The following NID2 variants were observed in gnomAD, a reference collection of about 807,000 sequenced individuals.
The protein encoded by NID2 is nidogen-2.
Under a neutral mutation model 145.4 loss-of-function variants are expected in NID2, and 83 were observed. That is an observed-to-expected ratio of 0.57 (90% CI 0.48 to 0.69). NID2 has a LOEUF of 0.69. NID2 is among the 30% of genes least tolerant of loss of function. The probability of loss-of-function intolerance (pLI) is 0.00; values close to 1 mark genes in which losing one functional copy is unlikely to be tolerated. For synonymous variants in NID2, 739 were observed against 701.3 expected (o/e 1.05, Z -0.85); for missense variants, 1,807 against 1,765.7 (o/e 1.02, Z -0.42).
intron 9 of NID2, among the ~76,000 whole-genome samples, chr14:52,033,035 C>T (rs1891924952): frequency 6.6e-6 from 1 of 152,172 alleles, no homozygotes; most frequent in Admixed American, 6.5e-5. Context: ...AGCACAGGGC[C>T]CCATTCACTG....
intron 9 of NID2, 75 bp from the exon 10 acceptor site, chr14:52,029,765 C>A: frequency 7.9e-7 from 1 of 1,260,826 alleles, no homozygotes; most frequent in South Asian, 1.3e-5. Flanking sequence ...GAGGAGTCCT[C>A]GGAACTGACT....
chr14:52,019,122 A>C lies in NID2; in HGVS notation c.2967T>G (p.His989Gln), dbSNP rs775228294. Reference protein sequence around the residue: ...GFCWCVDPDGHEVPGTQTPPG... With the variant: ...GFCWCVDPDGQEVPGTQTPPG... ...GTGGAGTCTGGGTACCAGGAACTTCATGACCATCAGGGTCCACGCACCAGC... is the reference window on the plus strand; with the variant it reads ...GTGGAGTCTGGGTACCAGGAACTTCCTGACCATCAGGGTCCACGCACCAGC... The change falls in exon 14 of 22, where the codon CAT (histidine) becomes CAG (glutamine). Residue 989 changes from histidine to glutamine, a missense_variant. By Grantham distance (24) the His-to-Gln change is conservative. Transcript: ENST00000216286. 6.2e-7 allele frequency: 1 copy of C among 1,614,132 alleles called. No individual in the cohort carries two copies. The highest frequency in any genetic ancestry group is 8.5e-7 in the Non-Finnish European group (1 of 1,180,022).
chr14:52,066,917 A>G (rs921641216), intron 2 of NID2, among the ~76,000 whole-genome samples: 2 of 152,210 alleles, frequency 1.3e-5, no homozygotes, highest in Non-Finnish European at 2.9e-5. Flanking sequence ...GACAAGACTA[A>G]AGACCAGGAG....
chr14:52,055,441 A>G (rs956288362), intron 3 of NID2, among the ~76,000 whole-genome samples: 1 of 152,216 alleles, frequency 6.6e-6, no homozygotes, highest in Non-Finnish European at 1.5e-5. Flanking sequence ...CCAAAACCTA[A>G]AAAATTTGTT....
intron 14 of NID2, 82 bp downstream of exon 14, chr14:52,018,979 G>C (rs59811471): frequency 0.1 from 105,508 of 1,010,062 alleles, 6,151 homozygotes; most frequent in Non-Finnish European, 0.12. Flanking sequence ...GACTGGCCCC[G>C]TGCCTGCGTG....
intron 9 of NID2, among the ~76,000 whole-genome samples, chr14:52,038,023 T>C (rs1276478441): frequency 6.6e-6 from 1 of 152,256 alleles, no homozygotes; most frequent in African/African-American, 2.4e-5. Context: ...CCTGAGATTT[T>C]CTACACAAAA....
At chr14:52,040,369 T>C (rs553082646) in intron 8 of NID2, among the ~76,000 whole-genome samples, 8 of 152,296 alleles carry the variant, frequency 5.3e-5, no homozygotes, top group African/African-American at 1.9e-4. Flanking sequence ...AAAAACTGTA[T>C]ATAATTATAC....
intron 2 of NID2, among the ~76,000 whole-genome samples, chr14:52,067,434 G>A (rs1893257995): frequency 6.6e-6 from 1 of 152,314 alleles, no homozygotes; most frequent in East Asian, 1.9e-4. Context: ...GCAGAAAAAT[G>A]TTTATCAGTG....
At chr14:52,048,210 G>A (rs141254878) in intron 5 of NID2, among the ~76,000 whole-genome samples, 3 of 152,166 alleles carry the variant, frequency 2.0e-5, no homozygotes, top group African/African-American at 4.8e-5. Context: ...CAGTGCTTAC[G>A]GCCCATTTGG....
At chr14:52,014,156 C>G (rs751351934) in intron 16 of NID2, 131 bp downstream of exon 16, 1 of 1,181,220 alleles carries the variant, frequency 8.5e-7, no homozygotes, top group East Asian at 2.4e-5. Flanking sequence ...GGGCCCATGC[C>G]GATGGGCTGC....
chr14:52,038,401 C>G (rs1026715674), intron 9 of NID2, among the ~76,000 whole-genome samples: 2 of 152,210 alleles, frequency 1.3e-5, no homozygotes, highest in Non-Finnish European at 2.9e-5. Context: ...GTGCCCTGCT[C>G]TCATCACACT....
chr14:52,066,328 A>G (rs1347790470), intron 2 of NID2, among the ~76,000 whole-genome samples: 1 of 152,052 alleles, frequency 6.6e-6, no homozygotes, highest in Non-Finnish European at 1.5e-5. Context: ...TACCAAAAAA[A>G]AAAAAATAGA....
chr14:52,030,965 G>A (rs1891843461), intron 9 of NID2, among the ~76,000 whole-genome samples: 1 of 152,234 alleles, frequency 6.6e-6, no homozygotes, highest in African/African-American at 2.4e-5. Context: ...ACTACATGGT[G>A]AGGAAAATAC....
At chr14:52,006,772 A>G (rs1319216425) in intron 19 of NID2, 112 bp from the exon 20 acceptor site, 1 of 1,179,512 alleles carries the variant, frequency 8.5e-7, no homozygotes, top group Non-Finnish European at 1.2e-6. Flanking sequence ...TTTTACTTCC[A>G]TTACAGTCAT....
Position 52,060,228 on chromosome 14 carries a change from A to T in NID2, c.663T>A (p.Leu221=). The change falls in exon 3 of 22, where the codon CTT becomes CTA. Residue 221 remains leucine, a synonymous_variant. Transcript: ENST00000216286. The part of the protein sequence containing the change: ...PKESYNVQLQ[L]PARVGFCRGE... ...CTCGGCAGAAGCCCACCCGAGCTGGAAGCTGAAGCTGGACATTGTAAGACT... is the reference window on the plus strand; with the variant it reads ...CTCGGCAGAAGCCCACCCGAGCTGGTAGCTGAAGCTGGACATTGTAAGACT... The T allele has an allele frequency of 1.2e-6, 2 of 1,614,084 alleles. No individual in the cohort carries two copies. The highest frequency in any genetic ancestry group is 2.2e-5 in the South Asian group (2 of 91,070).
At chr14:52,011,866 C>T in intron 16 of NID2, 183 bp from the exon 17 acceptor site, 1 of 665,628 alleles carries the variant, frequency 1.5e-6, no homozygotes, top group Non-Finnish European at 2.6e-6. Flanking sequence ...ACTTAGTAGC[C>T]ATGTGGCTTT....
At position 52,011,676 on chromosome 14, in the gene NID2, A is replaced by G; in HGVS notation, c.3428T>C (p.Ile1143Thr). The part of the protein sequence containing the change: ...AKTLLSLHGS[I>T]IVGIDYDCRE... ...GCAGTCGTAATCAATTCCCACGATT[A>G]TGGAGCCCTTTGTGCATCAAATCAT... Residue 1143 changes from isoleucine to threonine, a missense_variant, in exon 17 of 22, where the codon ATA (isoleucine) becomes ACA (threonine). Physicochemically the swap from Ile to Thr is moderately conservative, Grantham distance 89 (BLOSUM62 -1). Transcript: ENST00000216286. 6.2e-7 allele frequency: 1 copy of G among 1,614,220 alleles called. No homozygotes were observed. The highest frequency in any genetic ancestry group is 1.1e-5 in the South Asian group (1 of 91,092).
intron 9 of NID2, among the ~76,000 whole-genome samples, chr14:52,030,746 G>C (rs1460991606): frequency 6.6e-6 from 1 of 152,198 alleles, no homozygotes; most frequent in Non-Finnish European, 1.5e-5. Context: ...AGCTACTCCA[G>C]AGGGTGAGGC....
chr14:52,059,739 C>T (rs1228597471), intron 3 of NID2, among the ~76,000 whole-genome samples: 2 of 152,218 alleles, frequency 1.3e-5, no homozygotes, highest in South Asian at 2.1e-4. Context: ...TTAACAGTAT[C>T]TGTCCAAAAG....
Sources: allele counts gnomAD v4.1 joint callset (sites outside exome capture counted in the v4.1 genomes callset), GRCh38; gene constraint gnomAD v4.1.1; transcripts MANE v1.5; gene names NCBI Gene and HGNC (gene_info 2026-07-23, HGNC 2026-07-21).